The following SYNE1 variants were observed in gnomAD, a reference collection of about 807,000 sequenced individuals.
SYNE1 encodes nesprin-1.
A neutral mutation model predicts 1,111.0 loss-of-function variants in SYNE1; 616 were observed. That is an observed-to-expected ratio of 0.55 (90% CI 0.52 to 0.59). The LOEUF (loss-of-function observed/expected upper bound fraction) is 0.59, where lower values mean the gene tolerates loss of function less well. Ranked by LOEUF, SYNE1 falls within the 20% of genes least tolerant of loss-of-function variation. SYNE1 has a pLI of 0.00. For missense variants in SYNE1, 10,006 were observed against 10,417.0 expected (o/e 0.96, Z 1.72); for synonymous variants, 3,855 against 3,825.8 (o/e 1.01, Z -0.28).
At chr6:152,610,439 C>G (rs2800648) in intron 3 of SYNE1, among the ~76,000 whole-genome samples, 1 of 151,910 alleles carries the variant, frequency 6.6e-6, no homozygotes, top group East Asian at 1.9e-4. Flanking sequence ...GAAGACAAGG[C>G]TAGAGAAAAA....
intron 93 of SYNE1, among the ~76,000 whole-genome samples, chr6:152,297,781 C>CTGTGTGTGTG (rs377152081): frequency 8.3e-5 from 10 of 119,866 alleles, no homozygotes; most frequent in South Asian, 3.0e-4. Flanking sequence ...CAGTCTCACT[C>CTGTGTGTGTG]TGTGTGTGTG....
intron 127 of SYNE1, among the ~76,000 whole-genome samples, chr6:152,200,106 T>A (rs1219394644): frequency 6.6e-6 from 1 of 152,162 alleles, no homozygotes; most frequent in Non-Finnish European, 1.5e-5. Flanking sequence ...TATATGGATT[T>A]AACAAAAGTA....
intron 137 of SYNE1, chr6:152,145,398 A>G: frequency 1.5e-6 from 2 of 1,303,106 alleles, no homozygotes; most frequent in Non-Finnish European, 2.2e-6. Context: ...TAGAGCCACA[A>G]AGCTGGGAGA....
intron 74 of SYNE1, among the ~76,000 whole-genome samples, chr6:152,343,506 A>G (rs2096576360): frequency 7.3e-6 from 1 of 137,094 alleles, no homozygotes; most frequent in African/African-American, 2.7e-5. Context: ...TATTTTCATT[A>G]TTCTTTTATT....
intron 51 of SYNE1, among the ~76,000 whole-genome samples, chr6:152,394,947 T>A (rs1413429706): frequency 6.6e-6 from 1 of 151,954 alleles, no homozygotes; most frequent in Non-Finnish European, 1.5e-5. Flanking sequence ...CACGCCCAGC[T>A]AATTTTTGTA....
rs368601212 is a variant in SYNE1 at position 152,301,944 on chromosome 6, C to G, written c.17466G>C (p.Glu5822Asp). The change falls in exon 92 of 146, where the codon GAG becomes GAC. Residue 5822 changes from glutamate to aspartate, a missense_variant. By Grantham distance (45) the Glu-to-Asp change is conservative. Around this residue, in one of 7 missense-constraint regions of SYNE1, gnomAD observed 4,955 missense variants for 5,017.2 expected, o/e 0.99. Transcript: ENST00000367255. Reference sequence around the variant, plus strand: ...GGTCCTCTGTCCCTTCCGCCAGCCCCTCGACCTCGGTCACCGTCAGCAGCA... The same window carrying G: ...GGTCCTCTGTCCCTTCCGCCAGCCCGTCGACCTCGGTCACCGTCAGCAGCA... Reference protein sequence around the residue: ...ATMLLTVTEVEGLAEGTEDLD... With the variant: ...ATMLLTVTEVDGLAEGTEDLD... 6.2e-7 allele frequency: 1 copy of G among 1,614,232 alleles called. No homozygotes were observed. The highest frequency in any genetic ancestry group is 8.5e-7 in the Non-Finnish European group (1 of 1,180,050).
chr6:152,454,678 G>A (rs214972), intron 24 of SYNE1, among the ~76,000 whole-genome samples: 32,168 of 152,078 alleles, frequency 0.21, 3,565 homozygotes, highest in East Asian at 0.33. Flanking sequence ...TTGTAAAAAC[G>A]GTGATTCAAA....
chr6:152,156,702 T>C (rs1032034082), intron 131 of SYNE1, among the ~76,000 whole-genome samples: 6 of 152,310 alleles, frequency 3.9e-5, no homozygotes, highest in South Asian at 2.1e-4. Context: ...CAGATGCAAA[T>C]TGTTTTCCAA....
intron 3 of SYNE1, among the ~76,000 whole-genome samples, chr6:152,577,921 T>C (rs1206957410): frequency 1.3e-5 from 2 of 152,134 alleles, no homozygotes; most frequent in East Asian, 3.9e-4. Context: ...AAGCAAATGT[T>C]TCTTGGAATA....
At chr6:152,277,264 CTTTTTTTTTTTTTTTTT>C (rs747947368) in intron 98 of SYNE1, among the ~76,000 whole-genome samples, 2 of 82,130 alleles carry the variant, frequency 2.4e-5, no homozygotes, top group African/African-American at 9.7e-5. Flanking sequence ...TTTTCTTTTT[CTTTTTTTTTTTTTTTTT>C]TTTTTTTTTG....
intron 46 of SYNE1, among the ~76,000 whole-genome samples, chr6:152,403,937 T>A (rs867352575): frequency 6.6e-6 from 1 of 152,142 alleles, no homozygotes; most frequent in African/African-American, 2.4e-5. Context: ...TTGACTCCCA[T>A]GTCTGATACA....
At chr6:152,634,798 T>C (rs1247495162) in intron 2 of SYNE1, among the ~76,000 whole-genome samples, 2 of 152,226 alleles carry the variant, frequency 1.3e-5, no homozygotes, top group African/African-American at 2.4e-5. Context: ...TGCAACCTTC[T>C]TTTTTTCCCT....
At chr6:152,261,936 G>T in intron 101 of SYNE1, 96 bp downstream of exon 101, 1 of 1,044,270 alleles carries the variant, frequency 9.6e-7, no homozygotes, top group Non-Finnish European at 1.3e-6. Context: ...GTTTGAAATT[G>T]ATCATGAAAA....
intron 144 of SYNE1, 87 bp downstream of exon 144, chr6:152,132,035 C>T: frequency 1.6e-6 from 2 of 1,267,654 alleles, no homozygotes; most frequent in Non-Finnish European, 2.3e-6. Flanking sequence ...GGGACGCCTG[C>T]CTGTGAACCC....
At chr6:152,258,735 CT>C (rs1382285709) in intron 101 of SYNE1, among the ~76,000 whole-genome samples, 1 of 151,048 alleles carries the variant, frequency 6.6e-6, no homozygotes, top group Non-Finnish European at 1.5e-5. Context: ...TCTCCTTTTT[CT>C]TTTTTTCTTC....
At chr6:152,193,947 A>G (rs1372547999) in intron 127 of SYNE1, among the ~76,000 whole-genome samples, 1 of 150,982 alleles carries the variant, frequency 6.6e-6, no homozygotes, top group Non-Finnish European at 1.5e-5. Flanking sequence ...CAGGAGGCAG[A>G]GCTTGCAGTG....
At position 152,358,464 on chromosome 6, in the gene SYNE1, A is replaced by G; in HGVS notation, c.10517T>C (p.Val3506Ala). Residue 3506 changes from valine to alanine, a missense_variant, in exon 66 of 146, where the codon GTT becomes GCT. This residue lies in a region of SYNE1 where 4,955 missense variants were observed against 5,017.2 expected (regional missense o/e 0.99). Coordinates refer to ENST00000367255, the MANE Select transcript of SYNE1 (RefSeq NM_182961.4). ...EYQRDLKAFE[V>A]WLGQEQEKLD... ...CTTTTCTTGTTCTTGCCCCAACCAA[A>G]CTTCAAATGCCTTTAGGTCTCTCTG... The G allele has an allele frequency of 1.9e-6, 3 of 1,613,960 alleles. No individual in the cohort carries two copies. The highest frequency in any genetic ancestry group is 2.5e-6 in the Non-Finnish European group (3 of 1,179,992).
At chr6:152,412,368 G>C (rs1479952932) in intron 42 of SYNE1, among the ~76,000 whole-genome samples, 2 of 150,668 alleles carry the variant, frequency 1.3e-5, no homozygotes, top group East Asian at 3.9e-4. Flanking sequence ...AGCTTGCAGC[G>C]AGCAGAGATA....
chr6:152,313,824 C>T (rs2095627522), intron 87 of SYNE1, among the ~76,000 whole-genome samples: 2 of 152,172 alleles, frequency 1.3e-5, no homozygotes, highest in Admixed American at 6.5e-5. Context: ...AAAGAGTCTA[C>T]AGTCTGCGTT....
Sources: allele counts gnomAD v4.1 joint callset (sites outside exome capture counted in the v4.1 genomes callset), GRCh38; gene constraint gnomAD v4.1.1; regional missense constraint gnomAD v4.1.1; transcripts MANE v1.5; gene names NCBI Gene and HGNC (gene_info 2026-07-23, HGNC 2026-07-21).